The following CACNG4 variants were observed in gnomAD, a reference collection of about 807,000 sequenced individuals.
CACNG4 encodes the protein voltage-dependent calcium channel gamma-4 subunit.
Under a neutral mutation model 22.9 loss-of-function variants are expected in CACNG4, and 8 were observed. The ratio of observed to expected loss-of-function variants is 0.35; its 90% CI spans 0.21 to 0.63. The LOEUF is 0.63. CACNG4 is among the 30% of genes least tolerant of loss of function. CACNG4 has a pLI of 0.72. For missense variants in CACNG4, 357 were observed against 455.4 expected (o/e 0.78, Z 1.97); for synonymous variants, 188 against 191.9 (o/e 0.98, Z 0.17).
chr17:67,024,096 T>G (rs740558), intron 2 of CACNG4, among the ~76,000 whole-genome samples: 49,238 of 151,984 alleles, frequency 0.32, 8,123 homozygotes, highest in Non-Finnish European at 0.35. Flanking sequence ...GGCTACAAAG[T>G]TGGTTCTGTG....
At chr17:66,972,853 G>T (rs747361389) in intron 1 of CACNG4, among the ~76,000 whole-genome samples, 5 of 152,182 alleles carry the variant, frequency 3.3e-5, no homozygotes, top group Non-Finnish European at 7.3e-5. Context: ...TTGAATGTGG[G>T]AGGCAGAGGT....
intron 2 of CACNG4, 94 bp downstream of exon 2, chr17:67,018,366 G>T: frequency 1.1e-6 from 1 of 888,274 alleles, no homozygotes; most frequent in East Asian, 2.5e-5. Flanking sequence ...GCATGGAGAG[G>T]GTGATTGTCT....
chr17:66,969,405 A>T (rs1157393011), intron 1 of CACNG4, among the ~76,000 whole-genome samples: 1 of 152,228 alleles, frequency 6.6e-6, no homozygotes, highest in Non-Finnish European at 1.5e-5. Context: ...CAGGGCCTTA[A>T]TATAGCAGAC....
intron 1 of CACNG4, among the ~76,000 whole-genome samples, chr17:66,980,966 C>CA (rs574500478): frequency 1.7e-4 from 25 of 151,142 alleles, no homozygotes; most frequent in South Asian, 1.5e-3. Flanking sequence ...TCTAAAAGAA[C>CA]AAAAAAAAGA....
chr17:66,995,054 AAGTTCAAT>A (rs1174015219), intron 1 of CACNG4, among the ~76,000 whole-genome samples: 1 of 152,180 alleles, frequency 6.6e-6, no homozygotes, highest in Non-Finnish European at 1.5e-5. Flanking sequence ...ATTTCAAATC[AAGTTCAAT>A]CTGGTATCTA....
At chr17:66,982,199 G>C (rs759391932) in intron 1 of CACNG4, among the ~76,000 whole-genome samples, 1 of 152,252 alleles carries the variant, frequency 6.6e-6, no homozygotes, top group Admixed American at 6.5e-5. Context: ...GATTGCCGCT[G>C]CTGGCTAGGG....
intron 1 of CACNG4, among the ~76,000 whole-genome samples, chr17:66,979,710 C>A (rs977346231): frequency 6.6e-6 from 1 of 150,998 alleles, no homozygotes; most frequent in Non-Finnish European, 1.5e-5. Flanking sequence ...GGTGTGTATG[C>A]CGATTTGACA....
chr17:67,008,689 A>G (rs547610567), intron 1 of CACNG4, among the ~76,000 whole-genome samples: 1 of 152,318 alleles, frequency 6.6e-6, no homozygotes, highest in South Asian at 2.1e-4. Flanking sequence ...GAGGTAATCA[A>G]GTTCAAATGA....
rs1221949049 is a variant in CACNG4, at chr17:66,988,624, C to T, written c.220+23493C>T. ...ACCAGTCGGTTGCAACAGAGCAGCT[C>T]ATGGTCTCTGCTGCTCTCCAGAGGC... is the stretch of plus-strand genomic sequence containing the variant. On this transcript the variant is annotated intron_variant, in intron 1 of 3. Transcript: ENST00000262138. 2.0e-5 allele frequency among the ~76,000 whole-genome samples: 3 copies of T among 152,110 alleles called. No homozygotes were observed. In the East Asian group the frequency reaches 5.8e-4, roughly 29 times the overall value.
At chr17:66,983,762 G>T (rs1017048772) in intron 1 of CACNG4, among the ~76,000 whole-genome samples, 7 of 152,208 alleles carry the variant, frequency 4.6e-5, no homozygotes, top group Non-Finnish European at 1.0e-4. Context: ...TTTTGCAGGG[G>T]CTGCCACCCA....
intron 3 of CACNG4, among the ~76,000 whole-genome samples, chr17:67,026,609 GTATT>G (rs1437236629): frequency 6.6e-6 from 1 of 150,548 alleles, no homozygotes; most frequent in African/African-American, 2.5e-5. Flanking sequence ...TGTGGTGTGT[GTATT>G]TGAGGACTGT....
chr17:67,001,966 C>T (rs1191547178), intron 1 of CACNG4, among the ~76,000 whole-genome samples: 1 of 152,202 alleles, frequency 6.6e-6, no homozygotes, highest in Non-Finnish European at 1.5e-5. Context: ...GGCGGCTCCT[C>T]ACCAAGTGAC....
At chr17:67,005,258 G>C (rs2035430909) in intron 1 of CACNG4, among the ~76,000 whole-genome samples, 1 of 152,188 alleles carries the variant, frequency 6.6e-6, no homozygotes, top group South Asian at 2.1e-4. Flanking sequence ...TTGGGCCAGA[G>C]GTCTGCCCAG....
At chr17:67,011,430 C>A (rs1463779497) in intron 1 of CACNG4, among the ~76,000 whole-genome samples, 1 of 152,124 alleles carries the variant, frequency 6.6e-6, no homozygotes, top group Non-Finnish European at 1.5e-5. Flanking sequence ...CGCCTCAGAC[C>A]CCTTCCCCTG....
intron 2 of CACNG4, among the ~76,000 whole-genome samples, chr17:67,024,144 A>G (rs891633794): frequency 3.3e-5 from 5 of 152,112 alleles, no homozygotes; most frequent in African/African-American, 1.2e-4. Flanking sequence ...CGGCCCAGCC[A>G]CACCTCCCCT....
chr17:66,975,372 T>C (rs982437172), intron 1 of CACNG4, among the ~76,000 whole-genome samples: 4 of 152,070 alleles, frequency 2.6e-5, no homozygotes, highest in African/African-American at 9.7e-5. Flanking sequence ...TGAAGCCACA[T>C]GGCCCCGGGT....
intron 1 of CACNG4, among the ~76,000 whole-genome samples, chr17:67,016,747 G>A (rs1362062395): frequency 2.6e-5 from 4 of 152,182 alleles, no homozygotes; most frequent in Non-Finnish European, 5.9e-5. Context: ...TGGATAGGAC[G>A]TGGCGGCAAC....
chr17:66,973,067 G>A (rs2035214591), intron 1 of CACNG4, among the ~76,000 whole-genome samples: 1 of 152,238 alleles, frequency 6.6e-6, no homozygotes, highest in South Asian at 2.1e-4. Context: ...CCAATATGGT[G>A]AAACCCCCAA....
chr17:67,016,676 G>A (rs2035500378), intron 1 of CACNG4, among the ~76,000 whole-genome samples: 1 of 152,224 alleles, frequency 6.6e-6, no homozygotes, highest in Non-Finnish European at 1.5e-5. Flanking sequence ...GTCAAGATGA[G>A]CTTGTGGCTC....
Sources: gnomAD v4.1 joint callset for allele counts (sites outside exome capture counted in the v4.1 genomes callset) on GRCh38, gnomAD v4.1.1 for gene constraint, MANE v1.5 for transcripts, NCBI Gene and HGNC (gene_info 2026-07-23, HGNC 2026-07-21) for gene names.